The following LIMS1 variants were observed in gnomAD, a reference collection of about 807,000 sequenced individuals.
LIMS1 encodes the protein LIM and senescent cell antigen-like-containing domain protein 1.
In LIMS1, 18 loss-of-function variants were observed where a neutral mutation model predicts 44.1. The observed-to-expected ratio is 0.41, with a 90% CI of 0.28 to 0.61. The LOEUF (loss-of-function observed/expected upper bound fraction) is 0.61, where lower values mean the gene tolerates loss of function less well. LIMS1 is among the 20% of genes least tolerant of loss of function. The pLI is 0.32. For missense variants in LIMS1, 201 were observed against 422.0 expected (o/e 0.48, Z 4.59); for synonymous variants, 93 against 149.1 (o/e 0.62, Z 2.74).
At chr2:108,666,797 A>AAAT (rs1044218340) in intron 2 of LIMS1, among the ~76,000 whole-genome samples, 2 of 151,802 alleles carry the variant, frequency 1.3e-5, no homozygotes, top group Non-Finnish European at 2.9e-5. Flanking sequence ...CTGAAAAAAA[A>AAAT]AATAATAATA....
chr2:108,662,265 G>C (rs771677515), intron 2 of LIMS1: 2 of 1,612,070 alleles, frequency 1.2e-6, no homozygotes, highest in Middle Eastern at 2.3e-4. Context: ...TCATTAAGCA[G>C]CATGACCGCT....
rs139588491 is a variant in LIMS1 at position 108,575,029 on chromosome 2, A to T, written c.32+40435A>T. ...TTTAGGTTGAAATTTAATAATTCAT[A>T]TAAGTGTCCTTTGAAATTTGGCAGG... On this transcript the variant is annotated intron_variant, in intron 1 of 9. Transcript: ENST00000544547. 4.9e-3 allele frequency among the ~76,000 whole-genome samples: 743 copies of T among 152,282 alleles called. 8 individuals carry two copies. Among genetic ancestry groups the T allele is most frequent in the African/African-American group, 0.016 (681 of 41,560 alleles).
intron 1 of LIMS1, among the ~76,000 whole-genome samples, chr2:108,551,968 T>TAC (rs1190474515): frequency 1.4e-5 from 2 of 144,662 alleles, no homozygotes; most frequent in African/African-American, 5.1e-5. Context: ...TATATATATA[T>TAC]ATATGTATAT....
chr2:108,633,948 A>G (rs959330517), intron 1 of LIMS1, among the ~76,000 whole-genome samples: 5 of 152,288 alleles, frequency 3.3e-5, no homozygotes, highest in African/African-American at 9.6e-5. Context: ...TCTCCCACCA[A>G]GCTTTTCTTG....
intron 2 of LIMS1, among the ~76,000 whole-genome samples, chr2:108,670,127 A>T (rs1692066040): frequency 6.6e-6 from 1 of 151,970 alleles, no homozygotes; most frequent in Non-Finnish European, 1.5e-5. Context: ...AAACAGTTCA[A>T]GAAATGAAAG....
intron 1 of LIMS1, among the ~76,000 whole-genome samples, chr2:108,593,840 G>A (rs1276943607): frequency 6.6e-6 from 1 of 152,132 alleles, no homozygotes; most frequent in Non-Finnish European, 1.5e-5. Context: ...TGATTGGCCT[G>A]GTCAGTAATT....
intron 1 of LIMS1, among the ~76,000 whole-genome samples, chr2:108,609,957 A>G (rs576377584): frequency 6.6e-6 from 1 of 152,224 alleles, no homozygotes; most frequent in East Asian, 1.9e-4. Context: ...CCTGGCTAAC[A>G]TGGTGAAACC....
At chr2:108,579,088 A>G (rs909853284) in intron 1 of LIMS1, among the ~76,000 whole-genome samples, 1 of 152,138 alleles carries the variant, frequency 6.6e-6, no homozygotes, top group Non-Finnish European at 1.5e-5. Flanking sequence ...TGTGTTTTCC[A>G]AAGTCCAATT....
At chr2:108,681,760 A>C (rs941735880) in intron 9 of LIMS1, 11 of 201,140 alleles carry the variant, frequency 5.5e-5, no homozygotes, top group African/African-American at 2.4e-4. Flanking sequence ...ATCCGTCAAA[A>C]AAAAAAAACA....
At chr2:108,607,050 A>AGGT in intron 1 of LIMS1, 1 of 613,810 alleles carries the variant, frequency 1.6e-6, no homozygotes, top group Non-Finnish European at 2.9e-6. Flanking sequence ...GAGTATTAGG[A>AGGT]GGTGGAGCCT....
intron 1 of LIMS1, among the ~76,000 whole-genome samples, chr2:108,552,640 G>A (rs556379089): frequency 1.6e-4 from 23 of 148,130 alleles, no homozygotes; most frequent in East Asian, 8.0e-4. Context: ...TTGCTCTGTC[G>A]GCCATACTGC....
chr2:108,602,507 G>A (rs1255219790), intron 1 of LIMS1, among the ~76,000 whole-genome samples: 2 of 152,196 alleles, frequency 1.3e-5, no homozygotes, highest in Non-Finnish European at 2.9e-5. Context: ...ATGAAGTGAT[G>A]TCAAATTTTA....
intron 1 of LIMS1, among the ~76,000 whole-genome samples, chr2:108,596,484 T>A (rs1261093451): frequency 2.0e-5 from 3 of 152,280 alleles, no homozygotes; most frequent in African/African-American, 7.2e-5. Context: ...ATCAATGGAA[T>A]TCAGTTAGGT....
chr2:108,650,631 T>C (rs1690413357), intron 1 of LIMS1, among the ~76,000 whole-genome samples: 1 of 151,998 alleles, frequency 6.6e-6, no homozygotes, highest in African/African-American at 2.4e-5. Flanking sequence ...TTGGCCAGGC[T>C]CCTGGCCAAA....
intron 9 of LIMS1, chr2:108,681,280 A>G: frequency 2.0e-6 from 2 of 985,408 alleles, no homozygotes; most frequent in Non-Finnish European, 1.2e-6. Context: ...TGTCCTATGT[A>G]GAACTGGTCC....
intron 1 of LIMS1, among the ~76,000 whole-genome samples, chr2:108,618,542 T>A (rs1332165949): frequency 6.6e-6 from 1 of 152,034 alleles, no homozygotes; most frequent in East Asian, 1.9e-4. Context: ...AAGATCCTGG[T>A]TAGGCGGGGC....
At chr2:108,623,020 A>G (rs1246608198) in intron 1 of LIMS1, among the ~76,000 whole-genome samples, 2 of 149,734 alleles carry the variant, frequency 1.3e-5, no homozygotes, top group Admixed American at 6.7e-5. Context: ...AAGAGGAAGA[A>G]TAATTCTTAA....
At chr2:108,646,196 A>G (rs1488317955) in intron 1 of LIMS1, among the ~76,000 whole-genome samples, 1 of 152,200 alleles carries the variant, frequency 6.6e-6, no homozygotes, top group East Asian at 1.9e-4. Flanking sequence ...TCTCAGCACC[A>G]CATAGCACTT....
At chr2:108,585,376 G>A (rs532423421) in intron 1 of LIMS1, among the ~76,000 whole-genome samples, 4 of 152,026 alleles carry the variant, frequency 2.6e-5, no homozygotes, top group Admixed American at 6.6e-5. Context: ...GGATAACGTC[G>A]CCATGCCTGA....
Sources: allele counts gnomAD v4.1 joint callset (sites outside exome capture counted in the v4.1 genomes callset), GRCh38; gene constraint gnomAD v4.1.1; transcripts MANE v1.5; gene names NCBI Gene and HGNC (gene_info 2026-07-23, HGNC 2026-07-21).